ZNF653: variants seen among roughly 807,000 people sequenced by gnomAD.
ZNF653 encodes the protein zinc finger protein 653.
ZNF653 carries 37 observed loss-of-function variants against 59.9 expected under a neutral mutation model. The ratio of observed to expected loss-of-function variants is 0.62; its 90% CI spans 0.48 to 0.81. The LOEUF (loss-of-function observed/expected upper bound fraction) is 0.81, where lower values mean the gene tolerates loss of function less well. Among genes scored for constraint, ZNF653 ranks in the 40% least tolerant of loss-of-function variants. The probability of loss-of-function intolerance (pLI) is 0.00; values close to 1 mark genes in which losing one functional copy is unlikely to be tolerated. For missense variants in ZNF653, 808 were observed against 881.1 expected (o/e 0.92, Z 1.05); for synonymous variants, 435 against 371.8 (o/e 1.17, Z -1.96).
intron 3 of ZNF653, among the ~76,000 whole-genome samples, chr19:11,489,310 G>A (rs755252889): frequency 1.6e-4 from 24 of 150,008 alleles, no homozygotes; most frequent in Non-Finnish European, 3.3e-4. Flanking sequence ...AGCAACTCTT[G>A]TGCCTCAGCC....
intron 1 of ZNF653, among the ~76,000 whole-genome samples, chr19:11,504,068 G>A (rs1035918273): frequency 6.6e-6 from 1 of 152,088 alleles, no homozygotes; most frequent in African/African-American, 2.4e-5. Flanking sequence ...TCATGCCACT[G>A]CATTCCACTC....
chr19:11,495,279 G>C lies in ZNF653; in HGVS notation c.559+671C>G, dbSNP rs77372823. ...TCCCTGCCCCGTGGGATGGGAAGGA[G>C]AGAGGCAGGGACCGCGAAGGTGGGG... On this transcript the variant is annotated intron_variant, in intron 3 of 8. Transcript: ENST00000293771. This position sits in a 1 kb window ranked among gnomAD's most constrained non-coding sequence, Gnocchi z 4.9. Among the ~76,000 whole-genome samples the C allele has an allele frequency of 1.1e-3, 167 of 152,300 alleles. No homozygotes were observed. The highest frequency in any genetic ancestry group is 4.0e-3 in the African/African-American group (165 of 41,586).
intron 1 of ZNF653, among the ~76,000 whole-genome samples, chr19:11,500,419 C>T (rs577830192): frequency 1.3e-5 from 2 of 152,316 alleles, no homozygotes; most frequent in East Asian, 3.9e-4. Context: ...ACTGCAACCT[C>T]TGCCTCCTGG....
At chr19:11,498,249 A>T (rs1293194348) in intron 2 of ZNF653, 47 bp downstream of exon 2, 1 of 1,612,348 alleles carries the variant, frequency 6.2e-7, no homozygotes, top group Non-Finnish European at 8.5e-7. Context: ...CCATATTCCC[A>T]CCGCTCCCAA....
At chr19:11,485,554 G>A (rs559008206) in intron 7 of ZNF653, 102 bp downstream of exon 7, 20 of 863,724 alleles carry the variant, frequency 2.3e-5, no homozygotes, top group African/African-American at 8.3e-5. Context: ...TCCTGTGCCC[G>A]GAGACCCAGC....
At position 11,505,719 on chromosome 19, in the gene ZNF653, G is replaced by A; in HGVS notation, c.68C>T (p.Ala23Val). The change falls in exon 1 of 9, where the codon GCA (alanine) becomes GTA (valine). Residue 23 changes from alanine (A) to valine (V), a missense_variant. Coordinates refer to ENST00000293771, the MANE Select transcript of ZNF653 (RefSeq NM_138783.4). ...TCGGCCCGCTGCGCCCTCCTCGGCT[G>A]CTGCCTCCCCGCCCGCGCCCGCCTC... ...EAEAGAGGEA[A>V]AEEGAAGRKA... The A allele has an allele frequency of 1.4e-6, 2 of 1,474,086 alleles. No individual in the cohort carries two copies. The highest frequency in any genetic ancestry group is 2.9e-5 in the East Asian group (1 of 34,836). The allele number at this position is 1,474,086 out of a possible 1,614,324, so 91.3% of individuals were successfully genotyped here.
chr19:11,487,120 CCTT>C lies in ZNF653; in HGVS notation c.1207_1209del (p.Lys403del), dbSNP rs1192421529. 4 of 1,612,850 alleles carry C rather than the reference CCTT, an allele frequency of 2.5e-6. No individual in the cohort carries two copies. Among genetic ancestry groups the C allele is most frequent in the Admixed American group, 1.7e-5 (1 of 60,000 alleles). On this transcript the variant is annotated inframe_deletion, in exon 5 of 9. Coordinates refer to ENST00000293771, the MANE Select transcript of ZNF653 (RefSeq NM_138783.4). This position sits in a 1 kb window ranked among gnomAD's most constrained non-coding sequence, Gnocchi z 5.1. Reference sequence around the variant, plus strand: ...GCCAGCTCCGGGGCTACTGGCTCCTCCTTCTCCTCCTTCTTTAGCAAGCACAGG... The same window carrying C: ...GCCAGCTCCGGGGCTACTGGCTCCTCCTCCTCCTTCTTTAGCAAGCACAGG...
At chr19:11,494,857 C>A (rs1387437059) in intron 3 of ZNF653, among the ~76,000 whole-genome samples, 1 of 152,138 alleles carries the variant, frequency 6.6e-6, no homozygotes, top group African/African-American at 2.4e-5. Context: ...ATGACAAGGC[C>A]ATGGGGAAGA....
chr19:11,487,173 C>G lies in ZNF653; in HGVS notation c.1172-15G>C. On this transcript the variant is annotated splice_polypyrimidine_tract_variant and intron_variant, in intron 4 of 8. Coordinates refer to ENST00000293771, the MANE Select transcript of ZNF653 (RefSeq NM_138783.4). This position sits in a 1 kb window ranked among gnomAD's most constrained non-coding sequence, Gnocchi z 5.1. ...GTCCTCCTTCTCTACAGGGTGGACA[C>G]AGGGTGGTGTCCGCAGGGGACGAAG... The G allele has an allele frequency of 6.2e-7, 1 of 1,609,620 alleles. No homozygotes were observed. Among genetic ancestry groups the G allele is most frequent in the Non-Finnish European group, 8.5e-7 (1 of 1,179,500 alleles).
At chr19:11,505,222 G>C (rs888277640) in intron 1 of ZNF653, 2 of 416,650 alleles carry the variant, frequency 4.8e-6, no homozygotes, top group East Asian at 4.1e-5. Context: ...TGGGCCGCCA[G>C]AGTTCTAGCG....
At chr19:11,498,706 A>G (rs1014993210) in intron 1 of ZNF653, among the ~76,000 whole-genome samples, 1 of 151,334 alleles carries the variant, frequency 6.6e-6, no homozygotes, top group African/African-American at 2.4e-5. Context: ...AGCCTCCCAA[A>G]GTGCTGGTAT....
At position 11,487,281 on chromosome 19, in the gene ZNF653, G is replaced by A; in HGVS notation, c.1171+11C>T. 1 of 1,608,094 alleles carries A rather than the reference G, an allele frequency of 6.2e-7. No homozygotes were observed. Among genetic ancestry groups the A allele is most frequent in the Non-Finnish European group, 8.5e-7 (1 of 1,176,196 alleles). On this transcript the variant is annotated intron_variant, in intron 4 of 8. Transcript: ENST00000293771. The surrounding 1 kb of genome is among the most constrained non-coding windows in gnomAD (Gnocchi z 5.1). ...CACCCCTGGCCAGAGGCCACGACAG[G>A]TCCCCCAGACCTTTCTTGGTCTCGA...
In ZNF653 at chr19:11,483,562, G is replaced by T; in HGVS notation, c.*120C>A. The T allele has an allele frequency of 1.4e-6, 2 of 1,435,122 alleles. No individual in the cohort carries two copies. Among genetic ancestry groups the T allele is most frequent in the South Asian group, 1.5e-5 (1 of 68,190 alleles). 88.9% of individuals were successfully genotyped at this position (1,435,122 alleles called of 1,614,324 possible). A position where few individuals can be genotyped will look rare whatever the true frequency, so the allele number is the denominator to read the frequency against. On this transcript the variant is annotated 3_prime_UTR_variant, in exon 9 of 9. Coordinates refer to ENST00000293771, the MANE Select transcript of ZNF653 (RefSeq NM_138783.4). ...CCAGGGGGCCCAGCTCTGGGGCGGGGCGGGGGCGCCTCCTTCCGGCCCGCG... is the reference window on the plus strand; with the variant it reads ...CCAGGGGGCCCAGCTCTGGGGCGGGTCGGGGGCGCCTCCTTCCGGCCCGCG...
At chr19:11,494,389 CATA>C (rs1396057998) in intron 3 of ZNF653, among the ~76,000 whole-genome samples, 4 of 146,492 alleles carry the variant, frequency 2.7e-5, no homozygotes, top group Admixed American at 7.1e-5. Context: ...TAAAACATAA[CATA>C]ACATAACATA....
intron 3 of ZNF653, among the ~76,000 whole-genome samples, chr19:11,493,834 C>G (rs1257488462): frequency 6.7e-6 from 1 of 150,036 alleles, no homozygotes; most frequent in African/African-American, 2.5e-5. Flanking sequence ...GCCTGGGCAA[C>G]ACAGTGAGAT....
Position 11,505,826 on chromosome 19 carries a change from G to A in ZNF653, c.-40C>T. 1.5e-6 allele frequency: 2 copies of A among 1,320,084 alleles called. No individual in the cohort carries two copies. The highest frequency in any genetic ancestry group is 1.7e-5 in the South Asian group (1 of 58,228). 81.8% of individuals were successfully genotyped at this position (1,320,084 alleles called of 1,614,324 possible). ...TTACCAGCCTCCCCCGTTGTTAGGA[G>A]CCAGACCGGAAGTGGCGCGCATCTT... On this transcript the variant is annotated 5_prime_UTR_variant, in exon 1 of 9. Coordinates refer to ENST00000293771, the MANE Select transcript of ZNF653 (RefSeq NM_138783.4).
intron 7 of ZNF653, 107 bp from the exon 8 acceptor site, chr19:11,484,248 C>T: frequency 1.1e-6 from 1 of 910,378 alleles, no homozygotes; most frequent in African/African-American, 1.6e-5. Context: ...CTTGGATCTC[C>T]CAGGACTGCA....
At chr19:11,484,249 C>A in intron 7 of ZNF653, 108 bp from the exon 8 acceptor site, 1 of 873,548 alleles carries the variant, frequency 1.1e-6, no homozygotes, top group Non-Finnish European at 1.8e-6. Context: ...TTGGATCTCC[C>A]AGGACTGCAG....
At chr19:11,485,821 C>G (rs910051643) in intron 6 of ZNF653, 51 bp from the exon 7 acceptor site, 1 of 1,455,952 alleles carries the variant, frequency 6.9e-7, no homozygotes. Context: ...AGAAGGGGCT[C>G]TGGGAGGTGG....
Sources: allele counts gnomAD v4.1 joint callset (sites outside exome capture counted in the v4.1 genomes callset), GRCh38; gene constraint gnomAD v4.1.1; non-coding constraint Gnocchi (gnomAD v3.1); transcripts MANE v1.5; gene names NCBI Gene and HGNC (gene_info 2026-07-23, HGNC 2026-07-21).